Variants in DOT1L observed in about 807,000 individuals in gnomAD.
The protein encoded by DOT1L is DOT1 like histone lysine methyltransferase.
DOT1L carries 33 observed loss-of-function variants against 153.3 expected under a neutral mutation model. That is an observed-to-expected ratio of 0.22 (90% CI 0.16 to 0.29). DOT1L has a LOEUF of 0.29. Ranked by LOEUF, DOT1L falls within the 10% of genes least tolerant of loss-of-function variation. The pLI is 1.00. For synonymous variants in DOT1L, 1,135 were observed against 965.1 expected (o/e 1.18, Z -3.26); for missense variants, 1,847 against 2,119.9 (o/e 0.87, Z 2.53).
At chr19:2,218,551 G>T (rs937386618) in intron 22 of DOT1L, among the ~76,000 whole-genome samples, 1 of 150,970 alleles carries the variant, frequency 6.6e-6, no homozygotes, top group South Asian at 2.1e-4. Flanking sequence ...CCGCCACCAC[G>T]CCTGGCTAAT....
chr19:2,172,591 G>A (rs904173393), intron 1 of DOT1L, among the ~76,000 whole-genome samples: 6 of 149,988 alleles, frequency 4.0e-5, no homozygotes, highest in Admixed American at 6.7e-5. Context: ...TGAAACCTCC[G>A]CCTCCTGGGT....
intron 8 of DOT1L, among the ~76,000 whole-genome samples, chr19:2,201,139 G>T (rs374215978): frequency 0.034 from 1,350 of 40,238 alleles, 18 homozygotes; most frequent in Non-Finnish European, 0.046. Context: ...CGTCCTCCCC[G>T]CATTCCTCGT....
intron 7 of DOT1L, among the ~76,000 whole-genome samples, chr19:2,199,352 T>C (rs2074554): frequency 0.41 from 62,756 of 152,144 alleles, 13,715 homozygotes; most frequent in Middle Eastern, 0.56. Context: ...TTGTGGTTGG[T>C]GAGGGAGGGA....
rs112936354 is a variant in DOT1L at position 2,176,897 on chromosome 19, G to A, written c.82-3816G>A. On this transcript the variant is annotated intron_variant, in intron 1 of 27. Transcript: ENST00000398665. ...AATTCCAGCTTGAGGAGGGAGAGGGGAACCCTGCCGTGGGCCCTGACAGTG... is the reference window on the plus strand; with the variant it reads ...AATTCCAGCTTGAGGAGGGAGAGGGAAACCCTGCCGTGGGCCCTGACAGTG... Among the ~76,000 whole-genome samples the A allele has an allele frequency of 4.5e-3, 692 of 152,300 alleles. 6 individuals are homozygous for A. Among genetic ancestry groups the A allele is most frequent in the African/African-American group, 0.015 (637 of 41,554 alleles).
At chr19:2,192,067 G>A (rs1030844796) in intron 5 of DOT1L, among the ~76,000 whole-genome samples, 4 of 152,104 alleles carry the variant, frequency 2.6e-5, no homozygotes, top group African/African-American at 4.8e-5. Context: ...CAGTGTCTAG[G>A]CTGTCCCTGG....
Position 2,208,850 on chromosome 19 carries a change from G to C in DOT1L, c.964-85G>C. The C allele has an allele frequency of 7.1e-7, 1 of 1,407,814 alleles. No individual in the cohort carries two copies. The highest frequency in any genetic ancestry group is 9.9e-7 in the Non-Finnish European group (1 of 1,011,358). The allele number at this position is 1,407,814 out of a possible 1,614,324, so 87.2% of individuals were successfully genotyped here. ...AACAGCCTCCCCAGCCACTGTCCAG[G>C]TTGCTGTTGTTACCTGGGTGTCCAG... is the stretch of plus-strand genomic sequence containing the variant. On this transcript the variant is annotated intron_variant, in intron 11 of 27. Coordinates refer to ENST00000398665, the MANE Select transcript of DOT1L (RefSeq NM_032482.3). This position sits in a 1 kb window ranked among gnomAD's most constrained non-coding sequence, Gnocchi z 4.4.
Position 2,228,120 on chromosome 19 carries a change from T to C in DOT1L, c.4606+993T>C, listed in dbSNP as rs747954151. 2.9e-6 allele frequency: 4 copies of C among 1,362,106 alleles called. No homozygotes were observed. In the African/African-American group the frequency reaches 5.9e-5, roughly 20 times the overall value. The allele number at this position is 1,362,106 out of a possible 1,614,324, so 84.4% of individuals were successfully genotyped here. A position where few individuals can be genotyped will look rare whatever the true frequency, so the allele number is the denominator to read the frequency against. ...TTTCTTGCCCCCCACCTCTGCTGCCTCTCTGCCGCCTGCTAACGCCTCTTT... is the reference window on the plus strand; with the variant it reads ...TTTCTTGCCCCCCACCTCTGCTGCCCCTCTGCCGCCTGCTAACGCCTCTTT... On this transcript the variant is annotated intron_variant, in intron 27 of 27. Coordinates refer to ENST00000398665, the MANE Select transcript of DOT1L (RefSeq NM_032482.3).
chr19:2,173,394 C>T (rs932193298), intron 1 of DOT1L, among the ~76,000 whole-genome samples: 1 of 152,116 alleles, frequency 6.6e-6, no homozygotes, highest in African/African-American at 2.4e-5. Context: ...ATGCAGACCC[C>T]AAGAGAGGAG....
chr19:2,176,881 T>C (rs1000304103), intron 1 of DOT1L, among the ~76,000 whole-genome samples: 1 of 152,112 alleles, frequency 6.6e-6, no homozygotes. Context: ...GAATTCCAGC[T>C]TGAGGAGGGA....
Position 2,193,599 on chromosome 19 carries a change from A to T in DOT1L, c.494-90A>T. On this transcript the variant is annotated intron_variant, in intron 5 of 27. Transcript: ENST00000398665. The surrounding 1 kb of genome is among the most constrained non-coding windows in gnomAD (Gnocchi z 5.9). ...CTCCCCTGTGGGTCTTCATGGCCGCATTCTTGTGGCCTCTGTCTCCGAGCC... is the reference window on the plus strand; with the variant it reads ...CTCCCCTGTGGGTCTTCATGGCCGCTTTCTTGTGGCCTCTGTCTCCGAGCC... 7.7e-7 allele frequency: 1 copy of T among 1,296,212 alleles called. No individual in the cohort carries two copies. Among genetic ancestry groups the T allele is most frequent in the South Asian group, 1.3e-5 (1 of 78,516 alleles). 80.3% of individuals were successfully genotyped at this position (1,296,212 alleles called of 1,614,324 possible).
Position 2,210,658 on chromosome 19 carries a change from C to A in DOT1L, c.1154C>A (p.Thr385Asn). ...GAGGAAGAGAAGGCGGGAGCAGCCA[C>A]CGTGAAGAAGCCGTCTCCCTCCAAA... ...GAEEEKAGAATVKKPSPSKAR... is the reference protein window; with the variant it reads ...GAEEEKAGAANVKKPSPSKAR... The change falls in exon 14 of 28, where the codon ACC (threonine) becomes AAC (asparagine). Residue 385 changes from threonine to asparagine, a missense_variant. This residue lies in a region of DOT1L where 205 missense variants were observed against 203.1 expected (regional missense o/e 1.01). Coordinates refer to ENST00000398665, the MANE Select transcript of DOT1L (RefSeq NM_032482.3). The A allele has an allele frequency of 6.2e-7, 1 of 1,612,926 alleles. No individual in the cohort carries two copies. The highest frequency in any genetic ancestry group is 1.1e-5 in the South Asian group (1 of 91,088).
intron 2 of DOT1L, 71 bp downstream of exon 2, chr19:2,180,827 G>C: frequency 6.3e-7 from 1 of 1,582,356 alleles, no homozygotes; most frequent in Non-Finnish European, 8.6e-7. Context: ...GTGCCCTGCA[G>C]ATTCTGTTGT....
chr19:2,228,183 C>T (rs571282007), intron 27 of DOT1L: 33 of 1,365,342 alleles, frequency 2.4e-5, no homozygotes, highest in African/African-American at 4.4e-5. Context: ...CAAGGGCGCC[C>T]GCCCCTCCTT....
At chr19:2,180,905 G>C (rs373314795) in intron 2 of DOT1L, 149 bp downstream of exon 2, 1 of 899,842 alleles carries the variant, frequency 1.1e-6, no homozygotes, top group East Asian at 2.7e-5. Flanking sequence ...ACTCAGGGAC[G>C]GGTAGAGCTG....
rs115585458 is a variant in DOT1L at position 2,223,283 on chromosome 19, C to T, written c.3393C>T (p.Val1131=). ...SGSPLNLNSM[V]SNINQPLEIT... ...CCATTGTGTCTGTCTGCCCTCAGGT[C>T]AGTAACATCAACCAGCCCCTGGAGA... Residue 1131 remains valine (V), a splice_region_variant and synonymous_variant, in exon 25 of 28, where the codon GTC becomes GTT. Coordinates refer to ENST00000398665, the MANE Select transcript of DOT1L (RefSeq NM_032482.3). 6.2e-4 allele frequency: 1,007 copies of T among 1,613,390 alleles called. 5 individuals carry two copies. In the African/African-American group the frequency reaches 0.012, roughly 20 times the overall value.
intron 15 of DOT1L, among the ~76,000 whole-genome samples, chr19:2,211,480 G>C (rs922125186): frequency 3.3e-5 from 5 of 152,220 alleles, no homozygotes; most frequent in African/African-American, 1.2e-4. Flanking sequence ...GCTGGCATGG[G>C]GTGGGTGCAG....
In DOT1L at chr19:2,208,070, G is replaced by A. The variant is rs920331209; in HGVS notation, c.963+390G>A. Among the ~76,000 whole-genome samples, 6 of 152,124 alleles carry A rather than the reference G, an allele frequency of 3.9e-5. No homozygotes were observed. Among genetic ancestry groups the A allele is most frequent in the Admixed American group, 3.9e-4 (6 of 15,276 alleles). On this transcript the variant is annotated intron_variant, in intron 11 of 27. Transcript: ENST00000398665. The surrounding 1 kb of genome is among the most constrained non-coding windows in gnomAD (Gnocchi z 4.4). ...TCCTCCATGTGAGAGGGTCCTGAGC[G>A]GGGAGACACCAGGGTCCATGGGTGG...
chr19:2,230,721 A>G lies in DOT1L; in HGVS notation c.*929A>G, dbSNP rs1350182222. On this transcript the variant is annotated 3_prime_UTR_variant, in exon 28 of 28. Coordinates refer to ENST00000398665, the MANE Select transcript of DOT1L (RefSeq NM_032482.3). ...CTTTTATTTTTAGATGGTATAATGC[A>G]CAGTGAAGAGGAAAGAAAAGCGAGG... 1 of 397,734 alleles carries G rather than the reference A, an allele frequency of 2.5e-6. No individual in the cohort carries two copies. Among genetic ancestry groups the G allele is most frequent in the Non-Finnish European group, 4.4e-6 (1 of 226,054 alleles). The allele number at this position is 397,734 out of a possible 1,614,324, so 24.6% of individuals were successfully genotyped here.
chr19:2,201,292 A>G (rs2023270103), intron 8 of DOT1L, among the ~76,000 whole-genome samples: 1 of 129,318 alleles, frequency 7.7e-6, no homozygotes, highest in Non-Finnish European at 1.6e-5. Flanking sequence ...CATGCCCGTC[A>G]TCCTCCCTGT....
Sources: allele counts gnomAD v4.1 joint callset (sites outside exome capture counted in the v4.1 genomes callset), GRCh38; gene constraint gnomAD v4.1.1; regional missense constraint gnomAD v4.1.1; non-coding constraint Gnocchi (gnomAD v3.1); transcripts MANE v1.5; gene names NCBI Gene and HGNC (gene_info 2026-07-23, HGNC 2026-07-21).